The following CHN1 variants were observed in gnomAD, a reference collection of about 807,000 sequenced individuals.
The protein encoded by CHN1 is N-chimaerin.
In CHN1, 37 loss-of-function variants were observed where a neutral mutation model predicts 59.5. That is an observed-to-expected ratio of 0.62 (90% CI 0.48 to 0.82). The LOEUF (loss-of-function observed/expected upper bound fraction) is 0.82. Ranked by LOEUF, CHN1 falls within the 40% of genes least tolerant of loss-of-function variation. The pLI is 0.00. For synonymous variants in CHN1, 206 were observed against 200.4 expected (o/e 1.03, Z -0.24); for missense variants, 469 against 571.0 (o/e 0.82, Z 1.82).
chr2:174,916,214 C>A (rs996773328), intron 4 of CHN1, among the ~76,000 whole-genome samples: 1 of 152,152 alleles, frequency 6.6e-6, no homozygotes, highest in Non-Finnish European at 1.5e-5. Context: ...TATCATTTAC[C>A]TTCCCGTAAA....
At chr2:174,839,465 A>G (rs1456993202) in intron 7 of CHN1, among the ~76,000 whole-genome samples, 7 of 152,202 alleles carry the variant, frequency 4.6e-5, no homozygotes, top group Admixed American at 3.3e-4. Context: ...TGAGGTATCT[A>G]TAATAATCAA....
chr2:174,831,388 C>T (rs1322244115), intron 7 of CHN1, among the ~76,000 whole-genome samples: 2 of 152,088 alleles, frequency 1.3e-5, no homozygotes, highest in African/African-American at 4.8e-5. Context: ...TCATAAACAA[C>T]CATATTAATG....
At chr2:175,000,920 T>G (rs543455334) in intron 1 of CHN1, among the ~76,000 whole-genome samples, 3 of 152,186 alleles carry the variant, frequency 2.0e-5, no homozygotes, top group African/African-American at 7.2e-5. Flanking sequence ...ATTTTTACTC[T>G]TTTAGAGACA....
chr2:174,846,271 T>C (rs773104296), intron 7 of CHN1: 35 of 1,528,038 alleles, frequency 2.3e-5, no homozygotes, highest in Non-Finnish European at 2.9e-5. Context: ...GTACAGTTGA[T>C]AAACCACATT....
At chr2:174,951,051 T>A (rs1284610395) in intron 2 of CHN1, among the ~76,000 whole-genome samples, 1 of 152,216 alleles carries the variant, frequency 6.6e-6, no homozygotes, top group Admixed American at 6.5e-5. Flanking sequence ...AGTGCTGGGA[T>A]TACAGGCATG....
chr2:174,910,899 CAAAAAAA>C (rs10568066), intron 5 of CHN1, among the ~76,000 whole-genome samples: 48 of 76,642 alleles, frequency 6.3e-4, no homozygotes, highest in South Asian at 4.2e-3. Context: ...GACTCCGTCT[CAAAAAAA>C]AAAAAAAAAA....
chr2:174,908,845 C>T (rs1246734176), intron 5 of CHN1, among the ~76,000 whole-genome samples: 1 of 152,024 alleles, frequency 6.6e-6, no homozygotes, highest in Non-Finnish European at 1.5e-5. Context: ...TAGTGACATA[C>T]CAGGGATAAA....
At chr2:174,911,072 A>G (rs1021550067) in intron 5 of CHN1, among the ~76,000 whole-genome samples, 2 of 152,190 alleles carry the variant, frequency 1.3e-5, no homozygotes, top group Non-Finnish European at 2.9e-5. Context: ...TTGACATTAA[A>G]AACTCAACGA....
At chr2:174,853,471 A>C (rs1020036806) in intron 6 of CHN1, among the ~76,000 whole-genome samples, 5 of 152,228 alleles carry the variant, frequency 3.3e-5, no homozygotes, top group Non-Finnish European at 5.9e-5. Context: ...GCTGTGGAGA[A>C]AAGAGAACAC....
chr2:174,846,612 C>G, intron 7 of CHN1, among the ~76,000 whole-genome samples: 1 of 152,122 alleles, frequency 6.6e-6, no homozygotes, highest in Non-Finnish European at 1.5e-5. Flanking sequence ...TAACTGAGAC[C>G]TTTTAAATAT....
At chr2:174,833,570 C>CT (rs1450591476) in intron 7 of CHN1, among the ~76,000 whole-genome samples, 1 of 152,062 alleles carries the variant, frequency 6.6e-6, no homozygotes, top group Admixed American at 6.6e-5. Context: ...CTGGATCTTG[C>CT]TTTTTTGTCC....
chr2:174,866,572 T>C (rs1687222414), intron 6 of CHN1, among the ~76,000 whole-genome samples: 2 of 152,208 alleles, frequency 1.3e-5, no homozygotes, highest in Admixed American at 1.3e-4. Flanking sequence ...ACTATTCACA[T>C]TGAAATACTT....
intron 5 of CHN1, among the ~76,000 whole-genome samples, chr2:174,895,213 T>TATAC (rs755454217): frequency 1.8e-3 from 256 of 142,466 alleles, no homozygotes; most frequent in African/African-American, 6.0e-3. Context: ...TATATATATA[T>TATAC]ACACACACAC....
At chr2:174,822,479 T>G (rs1240419386) in intron 8 of CHN1, among the ~76,000 whole-genome samples, 1 of 152,206 alleles carries the variant, frequency 6.6e-6, no homozygotes, top group Non-Finnish European at 1.5e-5. Flanking sequence ...AATTCTTATG[T>G]AGATGGGCTT....
chr2:174,901,051 A>G (rs1210998823), intron 5 of CHN1, among the ~76,000 whole-genome samples: 3 of 152,242 alleles, frequency 2.0e-5, no homozygotes, highest in African/African-American at 7.2e-5. Context: ...GAGGTTACTA[A>G]GAGAAAAGGT....
At chr2:174,951,032 G>A (rs1054652998) in intron 2 of CHN1, among the ~76,000 whole-genome samples, 1 of 152,198 alleles carries the variant, frequency 6.6e-6, no homozygotes, top group African/African-American at 2.4e-5. Context: ...GCCTGCCTCT[G>A]CCTCCCAAAG....
intron 7 of CHN1, 72 bp downstream of exon 7, chr2:174,846,808 A>G (rs1686532470): frequency 7.5e-7 from 1 of 1,330,360 alleles, no homozygotes; most frequent in Non-Finnish European, 1.0e-6. Context: ...AAAAAGACAT[A>G]AGATATTCCT....
chr2:174,879,510 AATG>A (rs765522198), intron 5 of CHN1, among the ~76,000 whole-genome samples: 1 of 152,190 alleles, frequency 6.6e-6, no homozygotes, highest in Non-Finnish European at 1.5e-5. Flanking sequence ...ATTTTCCTCT[AATG>A]TTAAAGACAC....
chr2:174,906,097 G>A (rs1034081732), intron 5 of CHN1, among the ~76,000 whole-genome samples: 1 of 151,904 alleles, frequency 6.6e-6, no homozygotes, highest in Non-Finnish European at 1.5e-5. Flanking sequence ...ATACGACCCA[G>A]CAACTTCACT....
Sources: allele counts gnomAD v4.1 joint callset (sites outside exome capture counted in the v4.1 genomes callset), GRCh38; gene constraint gnomAD v4.1.1; transcripts MANE v1.5; gene names NCBI Gene and HGNC (gene_info 2026-07-23, HGNC 2026-07-21).